The following WWP2 variants were observed in gnomAD, a reference collection of about 807,000 sequenced individuals.
WWP2 encodes NEDD4-like E3 ubiquitin-protein ligase WWP2.
A neutral mutation model predicts 121.0 loss-of-function variants in WWP2; 57 were observed. That is an observed-to-expected ratio of 0.47 (90% CI 0.38 to 0.59). The LOEUF is 0.59. WWP2 is among the 20% of genes least tolerant of loss of function. WWP2 has a pLI of 0.00. For missense variants in WWP2, 962 were observed against 1,158.9 expected, an observed-to-expected ratio of 0.83 and a Z score of 2.47; for synonymous variants, 449 against 441.3, an observed-to-expected ratio of 1.02 and a Z score of -0.22.
chr16:69,918,334 C>G (rs2058506335), intron 10 of WWP2, among the ~76,000 whole-genome samples: 1 of 152,122 alleles, frequency 6.6e-6, no homozygotes, highest in East Asian at 1.9e-4. Flanking sequence ...TCTTTATTAT[C>G]TGACACATTC....
intron 2 of WWP2, among the ~76,000 whole-genome samples, chr16:69,796,107 G>A (rs2056037225): frequency 6.6e-6 from 1 of 151,582 alleles, no homozygotes; most frequent in South Asian, 2.1e-4. Context: ...ATTATAAAAA[G>A]TTAAATGTCC....
intron 5 of WWP2, among the ~76,000 whole-genome samples, chr16:69,840,728 C>T (rs1255776762): frequency 2.0e-5 from 3 of 152,006 alleles, no homozygotes; most frequent in Admixed American, 6.6e-5. Flanking sequence ...TGCTCTGTCC[C>T]GAATGTTGGT....
chr16:69,898,513 T>C (rs541102560), intron 8 of WWP2, among the ~76,000 whole-genome samples: 25 of 152,336 alleles, frequency 1.6e-4, no homozygotes, highest in Middle Eastern at 3.4e-3. Flanking sequence ...GCCAGTCTAA[T>C]GGGCATGAAT....
At chr16:69,905,689 C>T (rs773916764) in intron 8 of WWP2, among the ~76,000 whole-genome samples, 1 of 152,246 alleles carries the variant, frequency 6.6e-6, no homozygotes, top group Non-Finnish European at 1.5e-5. Context: ...CTTGATCCTA[C>T]CTCAATGCCA....
intron 1 of WWP2, among the ~76,000 whole-genome samples, chr16:69,779,378 A>G (rs1417831934): frequency 1.3e-5 from 2 of 152,272 alleles, no homozygotes; most frequent in Non-Finnish European, 1.5e-5. Flanking sequence ...CTATAGAATA[A>G]CATGGATTAC....
At chr16:69,865,193 G>A (rs1049118532) in intron 6 of WWP2, among the ~76,000 whole-genome samples, 1 of 151,946 alleles carries the variant, frequency 6.6e-6, no homozygotes, top group Non-Finnish European at 1.5e-5. Context: ...GGGACTACAG[G>A]CGCTTGCCAC....
intron 1 of WWP2, chr16:69,776,211 G>A (rs1003241625): frequency 2.0e-5 from 3 of 152,152 alleles, no homozygotes; most frequent in South Asian, 2.1e-4. Flanking sequence ...GGCTAAAGAG[G>A]GCTGGAGTCA....
At chr16:69,905,736 G>A (rs1385252875) in intron 8 of WWP2, among the ~76,000 whole-genome samples, 3 of 152,222 alleles carry the variant, frequency 2.0e-5, no homozygotes, top group Non-Finnish European at 1.5e-5. Flanking sequence ...GATCAGGATT[G>A]GGAAGCCACC....
chr16:69,773,386 C>G (rs1487383794), intron 1 of WWP2, among the ~76,000 whole-genome samples: 1 of 152,136 alleles, frequency 6.6e-6, no homozygotes, highest in Non-Finnish European at 1.5e-5. Flanking sequence ...ACTATGTTGG[C>G]CGGGCTGATC....
At position 69,904,544 on chromosome 16, in the gene WWP2, A is replaced by T. The variant is rs556036880; in HGVS notation, c.915-4217A>T. Among the ~76,000 whole-genome samples the T allele has an allele frequency of 2.5e-4, 38 of 151,860 alleles. 2 individuals are homozygous for T. Among genetic ancestry groups the T allele is most frequent in the East Asian group, 9.7e-4 (5 of 5,146 alleles). On this transcript the variant is annotated intron_variant, in intron 8 of 23. Coordinates refer to ENST00000359154, the MANE Select transcript of WWP2 (RefSeq NM_001270454.2). ...CCAGCACATCTGACTATTTAAAAAA[A>T]TTTTTTTATAGAGATGGGATCTTGC... is the stretch of plus-strand genomic sequence containing the variant.
Position 69,817,311 on chromosome 16 carries a change from C to T in WWP2, c.340+18016C>T, listed in dbSNP as rs533218885. On this transcript the variant is annotated intron_variant, in intron 4 of 23. Coordinates refer to ENST00000359154, the MANE Select transcript of WWP2 (RefSeq NM_001270454.2). ...TCACCCAAGCTGGAGTGCAGTGGTG[C>T]GATGTTGGCTCACTGCAGCTTCAAC... 9.2e-5 allele frequency among the ~76,000 whole-genome samples: 14 copies of T among 152,198 alleles called. No homozygotes were observed. The East Asian group carries it at 1.4e-3, about 15-fold the overall frequency.
rs575354150 is a variant in WWP2 at position 69,770,824 on chromosome 16, A to G, written c.-16+8433A>G. 5.3e-5 allele frequency among the ~76,000 whole-genome samples: 8 copies of G among 152,182 alleles called. No individual in the cohort carries two copies. The South Asian group carries it at 1.7e-3, about 32-fold the overall frequency. On this transcript the variant is annotated intron_variant, in intron 1 of 23. Coordinates refer to ENST00000359154, the MANE Select transcript of WWP2 (RefSeq NM_001270454.2). ...CTTACTTGGTATGTGGGGCTCCCAC[A>G]CATCTGGTGTCAGAAGTATTCTGTG...
At chr16:69,812,138 C>T (rs941751280) in intron 4 of WWP2, among the ~76,000 whole-genome samples, 5 of 145,834 alleles carry the variant, frequency 3.4e-5, no homozygotes, top group African/African-American at 1.3e-4. Flanking sequence ...ACATTGGCAT[C>T]GGCGTTGTTG....
intron 7 of WWP2, among the ~76,000 whole-genome samples, chr16:69,882,011 G>A (rs1348468916): frequency 1.3e-5 from 2 of 148,384 alleles, no homozygotes; most frequent in Non-Finnish European, 3.0e-5. Flanking sequence ...GTATAGATGG[G>A]GTTTTGCCAT....
intron 4 of WWP2, among the ~76,000 whole-genome samples, chr16:69,826,937 T>TAA (rs1287319047): frequency 8.4e-5 from 1 of 11,902 alleles, no homozygotes; most frequent in African/African-American, 1.7e-4. Flanking sequence ...AGACTCCACC[T>TAA]CAAAAAAAAA....
chr16:69,827,835 G>A, intron 4 of WWP2: 3 of 454,030 alleles, frequency 6.6e-6, no homozygotes, highest in South Asian at 3.1e-5. Flanking sequence ...CAGTAATGAT[G>A]TGAACTGATA....
chr16:69,897,062 C>G (rs935839808), intron 8 of WWP2, among the ~76,000 whole-genome samples: 3 of 151,640 alleles, frequency 2.0e-5, no homozygotes, highest in Non-Finnish European at 2.9e-5. Flanking sequence ...ATCTTTGGCT[C>G]TGTGCTGCAT....
At chr16:69,778,703 G>A (rs938790876) in intron 1 of WWP2, among the ~76,000 whole-genome samples, 24 of 151,882 alleles carry the variant, frequency 1.6e-4, no homozygotes, top group African/African-American at 5.6e-4. Context: ...GTGCAGTGGT[G>A]CGATCTCGGC....
At position 69,859,482 on chromosome 16, in the gene WWP2, G is replaced by A. The variant is rs547272016; in HGVS notation, c.576-12322G>A. ...AGGCGGGAGGATCGCTTGAGCCCAGGGAGGTCGAGGATGCAGTGAGCTGTG... is the reference window on the plus strand; with the variant it reads ...AGGCGGGAGGATCGCTTGAGCCCAGAGAGGTCGAGGATGCAGTGAGCTGTG... On this transcript the variant is annotated intron_variant, in intron 6 of 23. Coordinates refer to ENST00000359154, the MANE Select transcript of WWP2 (RefSeq NM_001270454.2). Among the ~76,000 whole-genome samples the A allele has an allele frequency of 5.5e-4, 83 of 152,214 alleles. 1 individual carries two copies. The South Asian group carries it at 0.017, about 31-fold the overall frequency.
Sources: allele counts gnomAD v4.1 joint callset (sites outside exome capture counted in the v4.1 genomes callset), GRCh38; gene constraint gnomAD v4.1.1; transcripts MANE v1.5; gene names NCBI Gene and HGNC (gene_info 2026-07-23, HGNC 2026-07-21).